USP4: variants seen among roughly 807,000 people sequenced by gnomAD.
USP4 encodes the protein ubiquitin specific peptidase 4, also known as ubiquitin carboxyl-terminal hydrolase 4.
A neutral mutation model predicts 118.2 loss-of-function variants in USP4; 72 were observed. That is an observed-to-expected ratio of 0.61 (90% CI 0.50 to 0.74). The LOEUF is 0.74. Ranked by LOEUF, USP4 falls within the 30% of genes least tolerant of loss-of-function variation. The pLI, the probability that USP4 is intolerant of heterozygous loss-of-function variation, is 0.00. For missense variants in USP4, 1,037 were observed against 1,185.7 expected (o/e 0.87, Z 1.84); for synonymous variants, 415 against 440.4 (o/e 0.94, Z 0.72).
At chr3:49,292,846 A>G (rs1240284069) in intron 14 of USP4, among the ~76,000 whole-genome samples, 1 of 152,138 alleles carries the variant, frequency 6.6e-6, no homozygotes, top group African/African-American at 2.4e-5. Flanking sequence ...CCTGGCCAAC[A>G]TGGTGAAACC....
chr3:49,321,198 C>G (rs970604132), intron 6 of USP4, among the ~76,000 whole-genome samples: 1 of 152,202 alleles, frequency 6.6e-6, no homozygotes, highest in Non-Finnish European at 1.5e-5. Flanking sequence ...TGCCAGCAAG[C>G]CTTTCCTAAC....
chr3:49,329,328 T>C (rs1345634257), intron 2 of USP4, among the ~76,000 whole-genome samples: 1 of 152,168 alleles, frequency 6.6e-6, no homozygotes, highest in Non-Finnish European at 1.5e-5. Context: ...TCCGTAAGTG[T>C]TGGAATGAAC....
intron 8 of USP4, among the ~76,000 whole-genome samples, chr3:49,309,980 A>G (rs1575611498): frequency 4.4e-5 from 2 of 45,924 alleles, no homozygotes; most frequent in Non-Finnish European, 8.1e-5. Flanking sequence ...ACAGAGTCTC[A>G]CTCTGTTGCC....
In USP4 at chr3:49,281,491, T is replaced by TATATAC. The variant is rs1242949530; in HGVS notation, c.2541-645_2541-644insGTATAT. On this transcript the variant is annotated intron_variant, in intron 19 of 21. Transcript: ENST00000265560. ...AAAAGTATGTGTATATATATATATA[T>TATATAC]ACACACACACACACACACACACACA... 6.4e-4 allele frequency among the ~76,000 whole-genome samples: 81 copies of TATATAC among 126,538 alleles called. 1 individual carries two copies. Among genetic ancestry groups the TATATAC allele is most frequent in the African/African-American group, 2.4e-3 (74 of 30,756 alleles). 83.0% of individuals were successfully genotyped at this position (126,538 alleles called of 152,430 possible).
intron 15 of USP4, among the ~76,000 whole-genome samples, chr3:49,287,399 C>T (rs1316938635): frequency 6.6e-6 from 1 of 152,106 alleles, no homozygotes; most frequent in Non-Finnish European, 1.5e-5. Flanking sequence ...CGTGATCCGC[C>T]CGCCCCGGCT....
At position 49,302,493 on chromosome 3, in the gene USP4, T is replaced by A; in HGVS notation, c.1178A>T (p.Asp393Val). ...APQFSGYQQQ[D>V]SQELLAFLLD... The stretch of plus-strand genomic sequence containing the variant: ...AAGAAAGGCCAGCAGCTCCTGAGAA[T>A]CTTGTTGCTGGTAGCCAGAAAATTG... Residue 393 changes from aspartate (D) to valine (V), a missense_variant, in exon 10 of 22, where the codon GAT becomes GTT. Physicochemically the swap from Asp to Val is radical, Grantham distance 152. Coordinates refer to ENST00000265560, the MANE Select transcript of USP4 (RefSeq NM_003363.4). 6.2e-7 allele frequency: 1 copy of A among 1,614,160 alleles called. No homozygotes were observed. Among genetic ancestry groups the A allele is most frequent in the Non-Finnish European group, 8.5e-7 (1 of 1,180,008 alleles).
At chr3:49,325,535 G>A (rs1288968312) in intron 4 of USP4, among the ~76,000 whole-genome samples, 184 bp downstream of exon 4, 1 of 152,076 alleles carries the variant, frequency 6.6e-6, no homozygotes, top group African/African-American at 2.4e-5. Flanking sequence ...AGCAGGCCCA[G>A]TGTTCTCTCC....
chr3:49,322,725 G>A (rs2047515100), intron 6 of USP4, among the ~76,000 whole-genome samples: 1 of 151,976 alleles, frequency 6.6e-6, no homozygotes, highest in Admixed American at 6.6e-5. Flanking sequence ...GCTGGGCATG[G>A]TGGTGGGAGC....
At chr3:49,329,397 T>A (rs2047590574) in intron 2 of USP4, among the ~76,000 whole-genome samples, 1 of 151,718 alleles carries the variant, frequency 6.6e-6, no homozygotes, top group Non-Finnish European at 1.5e-5. Flanking sequence ...AATATTTTTG[T>A]GTGTGTGTGT....
chr3:49,320,167 C>T (rs2107795359), intron 6 of USP4, among the ~76,000 whole-genome samples: 1 of 152,290 alleles, frequency 6.6e-6, no homozygotes, highest in Non-Finnish European at 1.5e-5. Context: ...GCAATCCTCC[C>T]ACCTCAGCTT....
chr3:49,328,544 C>T (rs541712547), intron 2 of USP4, among the ~76,000 whole-genome samples: 4 of 152,190 alleles, frequency 2.6e-5, no homozygotes, highest in African/African-American at 9.6e-5. Context: ...ACTCCTCAGC[C>T]ATTCAAGTTT....
At chr3:49,278,499 C>T (rs1417161206) in intron 21 of USP4, 48 bp from the exon 22 acceptor site, 1 of 1,583,256 alleles carries the variant, frequency 6.3e-7, no homozygotes, top group African/African-American at 1.3e-5. Flanking sequence ...GAAAAATCAC[C>T]CATTTTCCCC....
intron 15 of USP4, among the ~76,000 whole-genome samples, chr3:49,290,301 C>G (rs1575602758): frequency 6.6e-6 from 1 of 152,162 alleles, no homozygotes; most frequent in South Asian, 2.1e-4. Flanking sequence ...ATAGTACCAA[C>G]TACTTGGGAG....
At chr3:49,278,477 A>C in intron 21 of USP4, 26 bp from the exon 22 acceptor site, 1 of 1,605,428 alleles carries the variant, frequency 6.2e-7, no homozygotes, top group Non-Finnish European at 8.5e-7. Flanking sequence ...GGGAAAGACC[A>C]TTCAGTGCTT....
At chr3:49,288,164 A>C (rs72940883) in intron 15 of USP4, among the ~76,000 whole-genome samples, 5,452 of 152,224 alleles carry the variant, frequency 0.036, 327 homozygotes, top group African/African-American at 0.12. Context: ...CCCTTTACAC[A>C]CAATAAGCCT....
At chr3:49,281,489 T>TACACACACAC (rs1275522608) in intron 19 of USP4, among the ~76,000 whole-genome samples, 27 of 109,072 alleles carry the variant, frequency 2.5e-4, no homozygotes, top group Admixed American at 6.2e-4. Context: ...TATATATATA[T>TACACACACAC]ATACACACAC....
At position 49,319,135 on chromosome 3, in the gene USP4, G is replaced by A. The variant is rs1388910761; in HGVS notation, c.695+5567C>T. Among the ~76,000 whole-genome samples, 53 of 143,648 alleles carry A rather than the reference G, an allele frequency of 3.7e-4. 1 individual carries two copies. The highest frequency in any genetic ancestry group is 3.3e-3 in the Admixed American group (47 of 14,402). The allele number at this position is 143,648 out of a possible 152,430, so 94.2% of individuals were successfully genotyped here. A position where few individuals can be genotyped will look rare whatever the true frequency, so the allele number is the denominator to read the frequency against. On this transcript the variant is annotated intron_variant, in intron 6 of 21. Coordinates refer to ENST00000265560, the MANE Select transcript of USP4 (RefSeq NM_003363.4). ...CCTGCTTGGGTGACAGAGCAAGACT[G>A]CATCTCAAAAAAAAAAAAAAAGAAA...
chr3:49,336,607 C>A (rs559006543), intron 1 of USP4, among the ~76,000 whole-genome samples: 1 of 150,196 alleles, frequency 6.7e-6, no homozygotes, highest in Admixed American at 6.6e-5. Flanking sequence ...TCTCCGCAAC[C>A]TCCGCCTCCC....
chr3:49,296,605 C>T lies in USP4; in HGVS notation c.1691+1265G>A, dbSNP rs762309674. Among the ~76,000 whole-genome samples, 9 of 152,134 alleles carry T rather than the reference C, an allele frequency of 5.9e-5. No homozygotes were observed. The South Asian group carries it at 1.9e-3, about 32-fold the overall frequency. ...CAGAGCTTGCAGTGAGCCGAGATTGCGCCACTGCACTCCTGCCTGGGAGAC... is the reference window on the plus strand; with the variant it reads ...CAGAGCTTGCAGTGAGCCGAGATTGTGCCACTGCACTCCTGCCTGGGAGAC... On this transcript the variant is annotated intron_variant, in intron 13 of 21. Coordinates refer to ENST00000265560, the MANE Select transcript of USP4 (RefSeq NM_003363.4).
Sources: gnomAD v4.1 joint callset for allele counts (sites outside exome capture counted in the v4.1 genomes callset) on GRCh38, gnomAD v4.1.1 for gene constraint, MANE v1.5 for transcripts, NCBI Gene and HGNC (gene_info 2026-07-23, HGNC 2026-07-21) for gene names.